Variants in GRM7 observed in about 807,000 individuals in gnomAD.
The protein encoded by GRM7 is metabotropic glutamate receptor 7.
A neutral mutation model predicts 84.5 loss-of-function variants in GRM7; 35 were observed. The observed-to-expected ratio is 0.41, with a 90% CI of 0.32 to 0.55. GRM7 has a LOEUF of 0.55. GRM7 is among the 20% of genes least tolerant of loss of function. The probability of loss-of-function intolerance (pLI) is 0.19; values close to 1 mark genes in which losing one functional copy is unlikely to be tolerated. For missense variants in GRM7, 1,003 were observed against 1,194.6 expected, an observed-to-expected ratio of 0.84 and a Z score of 2.36; for synonymous variants, 487 against 455.1, an observed-to-expected ratio of 1.07 and a Z score of -0.89.
chr3:6,896,531 C>G (rs981519271), intron 1 of GRM7, among the ~76,000 whole-genome samples: 1 of 152,128 alleles, frequency 6.6e-6, no homozygotes, highest in Admixed American at 6.5e-5. Context: ...AAATGCAAGT[C>G]CCTGCAGGGT....
At chr3:7,573,076 G>A (rs1694785534) in intron 7 of GRM7, among the ~76,000 whole-genome samples, 1 of 151,022 alleles carries the variant, frequency 6.6e-6, no homozygotes, top group African/African-American at 2.4e-5. Context: ...GTCTTGAGGT[G>A]TTGCAGAATT....
At chr3:7,395,837 C>T (rs991722553) in intron 4 of GRM7, among the ~76,000 whole-genome samples, 1 of 152,080 alleles carries the variant, frequency 6.6e-6, no homozygotes, top group African/African-American at 2.4e-5. Context: ...TGAACTAATA[C>T]ATATACCATT....
At chr3:7,518,217 G>A (rs942480022) in intron 7 of GRM7, among the ~76,000 whole-genome samples, 2 of 152,174 alleles carry the variant, frequency 1.3e-5, no homozygotes, top group East Asian at 1.9e-4. Flanking sequence ...CGGCTTCAAT[G>A]TCTTCAACTA....
chr3:7,139,074 T>TATATATAA (rs1693861743), intron 1 of GRM7, among the ~76,000 whole-genome samples: 1 of 147,602 alleles, frequency 6.8e-6, no homozygotes, highest in Non-Finnish European at 1.5e-5. Context: ...TTATATAATA[T>TATATATAA]TATATAATGT....
intron 4 of GRM7, among the ~76,000 whole-genome samples, chr3:7,405,846 A>T (rs1292245259): frequency 6.6e-6 from 1 of 152,058 alleles, no homozygotes; most frequent in South Asian, 2.1e-4. Context: ...TCATCACATC[A>T]TCTAATATCA....
chr3:7,483,236 A>T (rs1347859539), intron 7 of GRM7, among the ~76,000 whole-genome samples: 1 of 152,214 alleles, frequency 6.6e-6, no homozygotes, highest in African/African-American at 2.4e-5. Flanking sequence ...TGATAAACTA[A>T]TAAATAAATA....
chr3:7,231,282 T>C (rs1349221548), intron 2 of GRM7, among the ~76,000 whole-genome samples: 7 of 152,178 alleles, frequency 4.6e-5, no homozygotes, highest in African/African-American at 1.4e-4. Context: ...CCTACAAAGA[T>C]GATTTGAATA....
At chr3:7,453,226 T>C (rs1697852722) in intron 6 of GRM7, among the ~76,000 whole-genome samples, 1 of 151,664 alleles carries the variant, frequency 6.6e-6, no homozygotes, top group Non-Finnish European at 1.5e-5. Context: ...AGTGGAGAGG[T>C]TTCCCCCACA....
At chr3:6,958,261 TG>T (rs1159061562) in intron 1 of GRM7, among the ~76,000 whole-genome samples, 1 of 151,676 alleles carries the variant, frequency 6.6e-6, no homozygotes, top group East Asian at 1.9e-4. Flanking sequence ...TGGAAGAGTC[TG>T]GTTTATTTTA....
intron 2 of GRM7, among the ~76,000 whole-genome samples, chr3:7,228,333 A>G (rs1372915104): frequency 6.6e-6 from 1 of 152,206 alleles, no homozygotes; most frequent in Admixed American, 6.5e-5. Context: ...GTAGGAAGAA[A>G]TAGATATCGA....
chr3:7,234,970 T>C (rs1243432981), intron 2 of GRM7, among the ~76,000 whole-genome samples: 1 of 152,228 alleles, frequency 6.6e-6, no homozygotes, highest in African/African-American at 2.4e-5. Flanking sequence ...ATCGTTTTCT[T>C]GCCTGTACTG....
chr3:6,955,215 A>T (rs969543694), intron 1 of GRM7, among the ~76,000 whole-genome samples: 2 of 147,072 alleles, frequency 1.4e-5, no homozygotes, highest in African/African-American at 2.5e-5. Flanking sequence ...TATAAAGAAT[A>T]ATACTGCATA....
chr3:7,414,185 T>C (rs1257234395), intron 4 of GRM7, among the ~76,000 whole-genome samples: 1 of 152,192 alleles, frequency 6.6e-6, no homozygotes, highest in Non-Finnish European at 1.5e-5. Context: ...ATTTAAGTAT[T>C]TGGGAAGTAA....
intron 5 of GRM7, among the ~76,000 whole-genome samples, chr3:7,440,624 G>A (rs954208331): frequency 2.9e-4 from 44 of 152,098 alleles, no homozygotes; most frequent in African/African-American, 9.9e-4. Flanking sequence ...CGTAGTATCC[G>A]ACAGGTAGTT....
intron 1 of GRM7, among the ~76,000 whole-genome samples, chr3:7,110,550 G>T (rs1321578571): frequency 6.6e-6 from 1 of 151,504 alleles, no homozygotes; most frequent in African/African-American, 2.4e-5. Flanking sequence ...AGCCAAGATT[G>T]TGCCACTATA....
intron 2 of GRM7, 24 bp downstream of exon 2, chr3:7,146,692 A>G: frequency 6.5e-7 from 1 of 1,548,848 alleles, no homozygotes; most frequent in South Asian, 1.1e-5. Flanking sequence ...GCTCTGATCA[A>G]GCTGGCTCTC....
Position 7,361,420 on chromosome 3 carries a change from T to C in GRM7, c.1034-53603T>C, listed in dbSNP as rs182837869. The stretch of plus-strand genomic sequence containing the variant: ...AACCATATTTTATTGCAAACTAGTG[T>C]CCTCTTGAGCCTACTGCCTATTTTC... On this transcript the variant is annotated intron_variant, in intron 4 of 9. Transcript: ENST00000357716. Among the ~76,000 whole-genome samples, 184 of 152,268 alleles carry C rather than the reference T, an allele frequency of 1.2e-3. 1 individual carries two copies. The highest frequency in any genetic ancestry group is 1.9e-3 in the Non-Finnish European group (126 of 67,992).
chr3:7,568,853 C>A (rs1314478427), intron 7 of GRM7, among the ~76,000 whole-genome samples: 1 of 152,146 alleles, frequency 6.6e-6, no homozygotes, highest in African/African-American at 2.4e-5. Flanking sequence ...TCGGGACCTG[C>A]AGCCCGCCAT....
intron 1 of GRM7, among the ~76,000 whole-genome samples, chr3:7,013,736 T>C (rs1013867311): frequency 1.3e-5 from 2 of 152,142 alleles, no homozygotes; most frequent in African/African-American, 4.8e-5. Flanking sequence ...CAGTCTAGGC[T>C]GAGCAAAATA....
Sources: allele counts gnomAD v4.1 joint callset (sites outside exome capture counted in the v4.1 genomes callset), GRCh38; gene constraint gnomAD v4.1.1; transcripts MANE v1.5; gene names NCBI Gene and HGNC (gene_info 2026-07-23, HGNC 2026-07-21).